The following VPS37A variants were observed in gnomAD, a reference collection of about 807,000 sequenced individuals.
VPS37A encodes VPS37A subunit of ESCRT-I.
In VPS37A, 30 loss-of-function variants were observed where a neutral mutation model predicts 49.8. The ratio of observed to expected loss-of-function variants is 0.60; its 90% CI spans 0.45 to 0.82. The LOEUF is 0.82. Among genes scored for constraint, VPS37A ranks in the 40% least tolerant of loss-of-function variants. VPS37A has a pLI of 0.00. For missense variants in VPS37A, 593 were observed against 464.4 expected, an observed-to-expected ratio of 1.28 and a Z score of -2.55; for synonymous variants, 195 against 160.6, an observed-to-expected ratio of 1.21 and a Z score of -1.62.
chr8:17,257,414 C>T (rs1310855002), intron 1 of VPS37A, among the ~76,000 whole-genome samples: 1 of 151,942 alleles, frequency 6.6e-6, no homozygotes, highest in East Asian at 1.9e-4. Flanking sequence ...TCTTGTGAGT[C>T]CATATAAATA....
chr8:17,289,811 G>A (rs531742279), intron 11 of VPS37A, among the ~76,000 whole-genome samples: 6 of 152,264 alleles, frequency 3.9e-5, no homozygotes, highest in Non-Finnish European at 5.9e-5. Flanking sequence ...CCGTTATCAC[G>A]ATATTGATTC....
At chr8:17,263,197 G>A (rs1270887905) in intron 1 of VPS37A, among the ~76,000 whole-genome samples, 1 of 152,008 alleles carries the variant, frequency 6.6e-6, no homozygotes, top group Non-Finnish European at 1.5e-5. Flanking sequence ...CTATGAATGT[G>A]CAAAGAAGTT....
the VPS37A span, among the ~76,000 whole-genome samples, chr8:17,316,146 G>A: frequency 1.3e-5 from 2 of 152,172 alleles, no homozygotes; most frequent in African/African-American, 4.8e-5. Context: ...GGCTTGGGCA[G>A]ATTACTTAGC....
At chr8:17,311,661 A>T in the VPS37A span, 5 of 1,613,830 alleles carry the variant, frequency 3.1e-6, no homozygotes, top group South Asian at 5.5e-5. Context: ...ATCCGCAAAG[A>T]GTCACAAAGA....
At chr8:17,292,611 C>G (rs549495969) in intron 11 of VPS37A, among the ~76,000 whole-genome samples, 1 of 152,290 alleles carries the variant, frequency 6.6e-6, no homozygotes, top group South Asian at 2.1e-4. Flanking sequence ...TTATTCCTTT[C>G]CATGTTTAGT....
chr8:17,300,992 A>C (rs772679175), downstream of VPS37A, among the ~76,000 whole-genome samples: 2 of 152,228 alleles, frequency 1.3e-5, no homozygotes, highest in Non-Finnish European at 2.9e-5. Context: ...CATTACATGG[A>C]TATACCAGAT....
chr8:17,256,722 G>T (rs186291579), intron 1 of VPS37A, among the ~76,000 whole-genome samples: 3 of 151,134 alleles, frequency 2.0e-5, no homozygotes, highest in Non-Finnish European at 2.9e-5. Context: ...GCACTGTCTC[G>T]GCTCACCACA....
chr8:17,302,401 C>T, downstream of VPS37A: 1 of 1,184,390 alleles, frequency 8.4e-7, no homozygotes, highest in Non-Finnish European at 1.1e-6. Context: ...CAAATTTCAG[C>T]CTCAAAAAAG....
the VPS37A span, among the ~76,000 whole-genome samples, chr8:17,309,004 A>G: frequency 1.3e-5 from 2 of 152,222 alleles, 1 homozygote; most frequent in South Asian, 4.1e-4. Context: ...TGGCAGGAGG[A>G]AGGGAAGGCT....
At chr8:17,304,356 A>G, downstream of VPS37A, 2 of 1,604,772 alleles carry the variant, frequency 1.2e-6, no homozygotes, top group Non-Finnish European at 1.7e-6. Flanking sequence ...CCATGGCTAC[A>G]AAGTTACCAA....
In VPS37A at chr8:17,263,602, A is replaced by G. The variant is rs189206779; in HGVS notation, c.126-2305A>G. Among the ~76,000 whole-genome samples, 434 of 152,340 alleles carry G rather than the reference A, an allele frequency of 2.8e-3. 9 individuals are homozygous for G. Among genetic ancestry groups the G allele is most frequent in the Admixed American group, 3.6e-3 (55 of 15,302 alleles). ...GACATTTCTAACCAATTATTTAGATAAAAATTATTTAAATCAAATTTATTT... is the reference window on the plus strand; with the variant it reads ...GACATTTCTAACCAATTATTTAGATGAAAATTATTTAAATCAAATTTATTT... On this transcript the variant is annotated intron_variant, in intron 1 of 11. Transcript: ENST00000324849.
chr8:17,332,245 G>C, the VPS37A span, among the ~76,000 whole-genome samples: 1 of 152,164 alleles, frequency 6.6e-6, no homozygotes, highest in Non-Finnish European at 1.5e-5. Context: ...GCTTTTAAAA[G>C]CACAGTGCAC....
intron 7 of VPS37A, 34 bp downstream of exon 7, chr8:17,280,189 G>GA (rs777844627): frequency 1.9e-6 from 3 of 1,608,636 alleles, no homozygotes; most frequent in South Asian, 1.1e-5. Flanking sequence ...CACATTTCCT[G>GA]AAAAAAATCT....
intron 11 of VPS37A, among the ~76,000 whole-genome samples, chr8:17,293,660 T>C (rs979417192): frequency 3.9e-5 from 6 of 152,192 alleles, no homozygotes; most frequent in Non-Finnish European, 8.8e-5. Flanking sequence ...GTCATTTTTG[T>C]TGATGTTGAT....
chr8:17,290,255 T>C (rs539854226), intron 11 of VPS37A, among the ~76,000 whole-genome samples: 4 of 151,732 alleles, frequency 2.6e-5, no homozygotes, highest in African/African-American at 7.2e-5. Flanking sequence ...AGTTGTCTTG[T>C]GCCAGTTTTC....
chr8:17,298,838 T>C (rs1161217007), downstream of VPS37A: 1 of 152,398 alleles, frequency 6.6e-6, no homozygotes, highest in Non-Finnish European at 1.5e-5. Flanking sequence ...TTTTCAGAAC[T>C]TTCAGCAGTC....
At chr8:17,320,208 A>G in the VPS37A span, among the ~76,000 whole-genome samples, 2 of 152,086 alleles carry the variant, frequency 1.3e-5, no homozygotes, top group Non-Finnish European at 2.9e-5. Flanking sequence ...AAAATTCCAA[A>G]TGTTTTCTGC....
At chr8:17,247,495 G>A in intron 1 of VPS37A, 126 bp downstream of exon 1, 2 of 1,336,300 alleles carry the variant, frequency 1.5e-6, no homozygotes, top group East Asian at 2.5e-5. Context: ...TCCCTTGGTT[G>A]TGGGTCACAC....
chr8:17,333,035 GA>G, the VPS37A span, among the ~76,000 whole-genome samples: 1 of 151,924 alleles, frequency 6.6e-6, no homozygotes, highest in Admixed American at 6.6e-5. Context: ...TATTAGAAGT[GA>G]AAAAAACAGC....
Sources: gnomAD v4.1 joint callset for allele counts (sites outside exome capture counted in the v4.1 genomes callset) on GRCh38, gnomAD v4.1.1 for gene constraint, MANE v1.5 for transcripts, NCBI Gene and HGNC (gene_info 2026-07-23, HGNC 2026-07-21) for gene names.